The following MAP4 variants were observed in gnomAD, a reference collection of about 807,000 sequenced individuals.
MAP4 encodes the protein microtubule-associated protein 4.
Under a neutral mutation model 170.2 loss-of-function variants are expected in MAP4, and 76 were observed. The observed-to-expected ratio is 0.45, with a 90% CI of 0.37 to 0.54. MAP4 has a LOEUF of 0.54. Ranked by LOEUF, MAP4 falls within the 20% of genes least tolerant of loss-of-function variation. The pLI, the probability that MAP4 is intolerant of heterozygous loss-of-function variation, is 0.00. For synonymous variants in MAP4, 909 were observed against 994.5 expected (o/e 0.91, Z 1.62); for missense variants, 2,506 against 2,748.0 (o/e 0.91, Z 1.97).
chr3:48,050,335 C>A (rs2100127024), intron 1 of MAP4, among the ~76,000 whole-genome samples: 2 of 150,898 alleles, frequency 1.3e-5, no homozygotes, highest in Non-Finnish European at 2.9e-5. Flanking sequence ...ATGTACTACA[C>A]AATGGATTAA....
At chr3:47,987,378 C>T (rs1371159778) in intron 2 of MAP4, 1 of 1,531,020 alleles carries the variant, frequency 6.5e-7, no homozygotes, top group Admixed American at 2.0e-5. Flanking sequence ...AAGAAAAGCA[C>T]TTACCAAGAG....
At chr3:47,935,984 AAGAAT>A (rs2100052581) in intron 3 of MAP4, among the ~76,000 whole-genome samples, 2 of 151,602 alleles carry the variant, frequency 1.3e-5, no homozygotes, top group Admixed American at 1.3e-4. Flanking sequence ...CAAAAAAATT[AAGAAT>A]TTTATATAAG....
intron 1 of MAP4, among the ~76,000 whole-genome samples, chr3:48,014,350 A>G (rs2100106745): frequency 6.6e-6 from 1 of 152,156 alleles, no homozygotes; most frequent in Non-Finnish European, 1.5e-5. Flanking sequence ...GAAATTGGCA[A>G]TCTGGTTTAC....
chr3:47,909,400 C>G lies in MAP4; in HGVS notation c.5021G>C (p.Ser1674Thr). 6.2e-7 allele frequency: 1 copy of G among 1,613,722 alleles called. No homozygotes were observed. Reference protein sequence around the residue: ...KSENDKLKEISLACKITELES... With the variant: ...KSENDKLKEITLACKITELES... Reference sequence around the variant, plus strand: ...CAATTCCGTGATTTTACAAGCCAGACTAATTTCTTTCAATTTATCATTTTC... The same window carrying G: ...CAATTCCGTGATTTTACAAGCCAGAGTAATTTCTTTCAATTTATCATTTTC... The change falls in exon 9 of 21, where the codon AGT becomes ACT. Residue 1674 changes from serine to threonine, a missense_variant. Ser to Thr is a moderately conservative substitution (Grantham distance 58). This residue lies in a region of MAP4 where 2,008 missense variants were observed against 2,206.0 expected (regional missense o/e 0.91). Coordinates refer to ENST00000683076, the MANE Select transcript of MAP4 (RefSeq NM_001385682.1).
rs549950919 is a variant in MAP4, at chr3:47,912,071, G to A, written c.2350C>T (p.Arg784Trp). ...TCATCATCCGAAGGTCCTCCAGCCC[G>A]TGGTTGAGAATATCTCTTTTGCTTT... The part of the protein sequence containing the change: ...KPKQKRYSQP[R>W]AGGPSDDDNA... Residue 784 changes from arginine (R) to tryptophan (W), a missense_variant, in exon 9 of 21, where the codon CGG becomes TGG. Arg to Trp is a moderately radical substitution (Grantham distance 101). Coordinates refer to ENST00000683076, the MANE Select transcript of MAP4 (RefSeq NM_001385682.1). The A allele has an allele frequency of 2.8e-5, 43 of 1,536,022 alleles. No individual in the cohort carries two copies. The highest frequency in any genetic ancestry group is 2.7e-4 in the African/African-American group (20 of 73,038).
intron 10 of MAP4, among the ~76,000 whole-genome samples, chr3:47,884,246 G>C (rs2152807800): frequency 6.6e-6 from 1 of 152,180 alleles, no homozygotes; most frequent in East Asian, 1.9e-4. Flanking sequence ...CACTGATTCT[G>C]TCCTCTGTTA....
At chr3:47,997,047 A>C (rs1415944783) in intron 2 of MAP4, among the ~76,000 whole-genome samples, 1 of 152,118 alleles carries the variant, frequency 6.6e-6, no homozygotes, top group East Asian at 1.9e-4. Context: ...AAGATAGGTC[A>C]AAAGAAAGTA....
At chr3:47,962,471 C>T (rs761687036) in intron 3 of MAP4, among the ~76,000 whole-genome samples, 1 of 152,174 alleles carries the variant, frequency 6.6e-6, no homozygotes, top group Non-Finnish European at 1.5e-5. Context: ...CATACTTTTC[C>T]AAATTTGTTA....
chr3:47,974,290 T>G (rs2100080657), intron 3 of MAP4: 1 of 307,690 alleles, frequency 3.3e-6, no homozygotes, highest in African/African-American at 2.3e-5. Flanking sequence ...GCTGGTGTGG[T>G]GGCGCACACC....
At chr3:47,866,128 G>A (rs2079213037) in intron 17 of MAP4, among the ~76,000 whole-genome samples, 1 of 152,158 alleles carries the variant, frequency 6.6e-6, no homozygotes, top group African/African-American at 2.4e-5. Flanking sequence ...CACAAGGTCA[G>A]GAGTTCAAGG....
intron 1 of MAP4, among the ~76,000 whole-genome samples, chr3:48,040,633 G>A (rs1472760732): frequency 5.9e-5 from 9 of 151,926 alleles, no homozygotes; most frequent in Non-Finnish European, 7.4e-5. Context: ...CCGCAACCTC[G>A]GCTCACTGCA....
At chr3:47,936,357 G>A (rs2100052805) in intron 3 of MAP4, among the ~76,000 whole-genome samples, 1 of 151,734 alleles carries the variant, frequency 6.6e-6, no homozygotes, top group Admixed American at 6.6e-5. Context: ...GCTTGAACCT[G>A]GGAGGCAGAG....
chr3:48,083,799 T>C (rs575778514), intron 1 of MAP4, among the ~76,000 whole-genome samples: 45 of 151,574 alleles, frequency 3.0e-4, no homozygotes, highest in Non-Finnish European at 5.4e-4. Flanking sequence ...TGATCTTGGC[T>C]CCCTGCAACC....
intron 3 of MAP4, among the ~76,000 whole-genome samples, chr3:47,950,993 C>T (rs1222073666): frequency 6.6e-6 from 1 of 152,180 alleles, no homozygotes; most frequent in Non-Finnish European, 1.5e-5. Flanking sequence ...GGTTCACATA[C>T]TCAACAAATA....
intron 15 of MAP4, 104 bp downstream of exon 15, chr3:47,870,709 T>C (rs2090125153): frequency 1.6e-6 from 2 of 1,214,394 alleles, no homozygotes; most frequent in Admixed American, 5.7e-5. Context: ...CTGAGTCCAG[T>C]GTCCTGACTG....
intron 2 of MAP4, among the ~76,000 whole-genome samples, chr3:47,988,371 C>A (rs2100090195): frequency 6.6e-6 from 1 of 151,812 alleles, no homozygotes; most frequent in Admixed American, 6.6e-5. Context: ...ACAGCAGTGG[C>A]CTGAGTGACA....
intron 11 of MAP4, 141 bp from the exon 12 acceptor site, chr3:47,876,041 AAAATTAGCATT>A: frequency 8.2e-6 from 5 of 606,090 alleles, no homozygotes; most frequent in Non-Finnish European, 1.4e-5. Context: ...GATGCAACTT[AAAATTAGCATT>A]TCTTTCTTCT....
At chr3:47,945,140 G>A (rs542209688) in intron 3 of MAP4, among the ~76,000 whole-genome samples, 1 of 151,738 alleles carries the variant, frequency 6.6e-6, no homozygotes, top group Non-Finnish European at 1.5e-5. Flanking sequence ...ATCACCTGAG[G>A]TCAGGAGTTC....
chr3:47,908,862 C>G (rs753118383), intron 9 of MAP4, among the ~76,000 whole-genome samples, 176 bp downstream of exon 9: 3 of 152,120 alleles, frequency 2.0e-5, no homozygotes, highest in Non-Finnish European at 2.9e-5. Flanking sequence ...AAGCAGGACA[C>G]AAGGAACACA....
Sources: allele counts gnomAD v4.1 joint callset (sites outside exome capture counted in the v4.1 genomes callset), GRCh38; gene constraint gnomAD v4.1.1; regional missense constraint gnomAD v4.1.1; transcripts MANE v1.5; gene names NCBI Gene and HGNC (gene_info 2026-07-23, HGNC 2026-07-21).